FRMD4B: variants seen among roughly 807,000 people sequenced by gnomAD.
FRMD4B encodes the protein FERM domain containing 4B, also known as FERM domain-containing protein 4B.
A neutral mutation model predicts 141.5 loss-of-function variants in FRMD4B; 74 were observed. That is an observed-to-expected ratio of 0.52 (90% CI 0.43 to 0.63). The LOEUF (loss-of-function observed/expected upper bound fraction) is 0.63, where lower values mean the gene tolerates loss of function less well. Among genes scored for constraint, FRMD4B ranks in the 30% least tolerant of loss-of-function variants. The pLI is 0.00. For synonymous variants in FRMD4B, 506 were observed against 467.9 expected (o/e 1.08, Z -1.05); for missense variants, 1,366 against 1,253.4 (o/e 1.09, Z -1.36).
At chr3:69,542,342 G>C (rs1701201305) in exon 1 of FRMD4B, 1 of 154,430 alleles carries the variant, frequency 6.5e-6, no homozygotes, top group Non-Finnish European at 1.4e-5. Flanking sequence ...TGCCTTCCCC[G>C]GCGGCGGCTG....
At chr3:69,233,673 C>T (rs1291937829) in intron 7 of FRMD4B, among the ~76,000 whole-genome samples, 2 of 152,172 alleles carry the variant, frequency 1.3e-5, no homozygotes, top group East Asian at 3.9e-4. Flanking sequence ...GCTTACATAA[C>T]ATGAGAAATT....
chr3:69,377,693 C>T (rs907181524), intron 1 of FRMD4B, among the ~76,000 whole-genome samples: 1 of 152,144 alleles, frequency 6.6e-6, no homozygotes, highest in African/African-American at 2.4e-5. Context: ...GAAGACCTAC[C>T]CCTCTCGTAA....
At chr3:69,469,051 G>A (rs982611939) in intron 1 of FRMD4B, among the ~76,000 whole-genome samples, 3 of 152,150 alleles carry the variant, frequency 2.0e-5, no homozygotes, top group Non-Finnish European at 4.4e-5. Flanking sequence ...CATGTTAAGA[G>A]TTTGCAGAGG....
intron 1 of FRMD4B, among the ~76,000 whole-genome samples, chr3:69,352,351 A>G (rs578108690): frequency 2.3e-4 from 35 of 152,288 alleles, no homozygotes; most frequent in African/African-American, 6.3e-4. Flanking sequence ...TTTAGAGACA[A>G]TGGACTCATT....
chr3:69,525,978 C>A (rs1700926171), intron 1 of FRMD4B, among the ~76,000 whole-genome samples: 1 of 152,066 alleles, frequency 6.6e-6, no homozygotes, highest in African/African-American at 2.4e-5. Context: ...TTCTTAAAAC[C>A]ACCATAGCAG....
intron 17 of FRMD4B, among the ~76,000 whole-genome samples, chr3:69,190,223 T>C (rs56993809): frequency 0.063 from 9,619 of 152,238 alleles, 735 homozygotes; most frequent in East Asian, 0.32. Flanking sequence ...TTTTCGGTGT[T>C]TCTTCTACAC....
chr3:69,392,406 C>T (rs988475435), intron 2 of FRMD4B, among the ~76,000 whole-genome samples: 1 of 152,060 alleles, frequency 6.6e-6, no homozygotes, highest in Non-Finnish European at 1.5e-5. Flanking sequence ...GATGGGGGTA[C>T]ATGATAGCAA....
chr3:69,219,162 C>CAG (rs2093169633), intron 9 of FRMD4B, among the ~76,000 whole-genome samples: 1 of 130,934 alleles, frequency 7.6e-6, no homozygotes, highest in African/African-American at 2.9e-5. Context: ...GAGAATCTGT[C>CAG]AAAAAAAAAA....
intron 1 of FRMD4B, among the ~76,000 whole-genome samples, chr3:69,325,085 A>AAAAGAAAGAAAGAAAGAAAGAAAG (rs1553724230): frequency 3.0e-4 from 24 of 79,984 alleles, no homozygotes; most frequent in Admixed American, 4.7e-4. Context: ...TAAAAAAAAA[A>AAAAGAAAGAAAGAAAGAAAGAAAG]AAAGAAAGAA....
At chr3:69,519,781 C>A (rs1700821775) in intron 1 of FRMD4B, among the ~76,000 whole-genome samples, 1 of 151,760 alleles carries the variant, frequency 6.6e-6, no homozygotes, top group Non-Finnish European at 1.5e-5. Context: ...AGTCTTTTAT[C>A]CCTCACCCCC....
intron 3 of FRMD4B, among the ~76,000 whole-genome samples, chr3:69,303,101 AC>A (rs1479012495): frequency 7.4e-6 from 1 of 135,912 alleles, no homozygotes; most frequent in Non-Finnish European, 1.7e-5. Flanking sequence ...AACAAACAAA[AC>A]CCCCCAAAAC....
intron 5 of FRMD4B, among the ~76,000 whole-genome samples, chr3:69,260,688 A>G (rs1575667165): frequency 6.6e-6 from 1 of 152,196 alleles, no homozygotes; most frequent in Non-Finnish European, 1.5e-5. Context: ...CCAGCACGGG[A>G]TCCACTAGGC....
At chr3:69,263,396 C>CT (rs67497031) in intron 5 of FRMD4B, among the ~76,000 whole-genome samples, 14,832 of 72,792 alleles carry the variant, frequency 0.2, 2,210 homozygotes, top group Non-Finnish European at 0.24. Flanking sequence ...GTTACATGCA[C>CT]TTTTTTTTTT....
In FRMD4B at chr3:69,176,678, G is replaced by T. The variant is rs368983605; in HGVS notation, c.2852-22C>A. 66 of 1,552,944 alleles carry T rather than the reference G, an allele frequency of 4.2e-5. No individual in the cohort carries two copies. The African/African-American group carries it at 7.8e-4, about 18-fold the overall frequency. On this transcript the variant is annotated intron_variant, in intron 21 of 22. Coordinates refer to ENST00000398540, the MANE Select transcript of FRMD4B (RefSeq NM_015123.3). ...GACACTGGAAATAAAAATGGAAAAAGATAAAATTAATGGAAATATTAAAAG... is the reference window on the plus strand; with the variant it reads ...GACACTGGAAATAAAAATGGAAAAATATAAAATTAATGGAAATATTAAAAG...
chr3:69,311,570 T>G (rs1007565700), intron 2 of FRMD4B, among the ~76,000 whole-genome samples: 1 of 152,188 alleles, frequency 6.6e-6, no homozygotes, highest in East Asian at 1.9e-4. Context: ...TCAATGAGAC[T>G]ATCATTTTCA....
chr3:69,264,943 G>A (rs938232998), intron 5 of FRMD4B, among the ~76,000 whole-genome samples: 2 of 152,038 alleles, frequency 1.3e-5, no homozygotes, highest in East Asian at 1.9e-4. Context: ...ATGCTCAGCC[G>A]TGGGAGGATA....
intron 1 of FRMD4B, among the ~76,000 whole-genome samples, chr3:69,372,788 TATGTGTGTAC>T (rs1172478706): frequency 1.3e-5 from 2 of 152,260 alleles, no homozygotes; most frequent in African/African-American, 4.8e-5. Flanking sequence ...TATGTGTGTA[TATGTGTGTAC>T]ATACCTACAT....
chr3:69,349,977 G>A (rs376368060), intron 1 of FRMD4B, among the ~76,000 whole-genome samples: 20 of 152,016 alleles, frequency 1.3e-4, no homozygotes, highest in Non-Finnish European at 2.5e-4. Context: ...GACAAATGGG[G>A]TCTAATTAAA....
intron 5 of FRMD4B, among the ~76,000 whole-genome samples, chr3:69,270,008 T>C (rs2093586991): frequency 6.6e-6 from 1 of 151,884 alleles, no homozygotes; most frequent in African/African-American, 2.4e-5. Flanking sequence ...CTATTTCTTT[T>C]TCTCTTCTTT....
Sources: allele counts gnomAD v4.1 joint callset (sites outside exome capture counted in the v4.1 genomes callset), GRCh38; gene constraint gnomAD v4.1.1; transcripts MANE v1.5; gene names NCBI Gene and HGNC (gene_info 2026-07-23, HGNC 2026-07-21).